TRIM27: variants seen among roughly 807,000 people sequenced by gnomAD.
TRIM27 encodes the protein tripartite motif containing 27, also known as zinc finger protein RFP.
TRIM27 carries 12 observed loss-of-function variants against 57.6 expected under a neutral mutation model. That is an observed-to-expected ratio of 0.21 (90% CI 0.13 to 0.34). The LOEUF (loss-of-function observed/expected upper bound fraction) is 0.34. Among genes scored for constraint, TRIM27 ranks in the 10% least tolerant of loss-of-function variants. TRIM27 has a pLI of 1.00. For synonymous variants in TRIM27, 266 were observed against 259.0 expected, an observed-to-expected ratio of 1.03 and a Z score of -0.26; for missense variants, 403 against 656.8, an observed-to-expected ratio of 0.61 and a Z score of 4.22.
At chr6:28,913,446 C>T (rs1232725561) in intron 3 of TRIM27, among the ~76,000 whole-genome samples, 2 of 151,648 alleles carry the variant, frequency 1.3e-5, no homozygotes, top group Non-Finnish European at 2.9e-5. Flanking sequence ...CTCCCTCTAC[C>T]CTTCCTAGAA....
In TRIM27 at chr6:28,904,019, T is replaced by C; in HGVS notation, c.*51A>G. On this transcript the variant is annotated 3_prime_UTR_variant, in exon 8 of 8. Coordinates refer to ENST00000377199, the MANE Select transcript of TRIM27 (RefSeq NM_006510.5). This position sits in a 1 kb window ranked among gnomAD's most constrained non-coding sequence, Gnocchi z 6.1. Reference sequence around the variant, plus strand: ...CGTGGCAAGGCAACAAGATGCCTTGTGCCTGGCGTAGGATTACAGCCAACA... The same window carrying C: ...CGTGGCAAGGCAACAAGATGCCTTGCGCCTGGCGTAGGATTACAGCCAACA... The C allele has an allele frequency of 6.7e-7, 1 of 1,493,452 alleles. No individual in the cohort carries two copies. The highest frequency in any genetic ancestry group is 1.8e-5 in the Admixed American group (1 of 54,862). 92.5% of individuals were successfully genotyped at this position (1,493,452 alleles called of 1,614,324 possible).
chr6:28,913,790 T>G (rs547956866), intron 3 of TRIM27, among the ~76,000 whole-genome samples: 1 of 152,186 alleles, frequency 6.6e-6, no homozygotes, highest in South Asian at 2.1e-4. Flanking sequence ...ATTTTGGTCT[T>G]TTCTCTCGCA....
At chr6:28,917,015 G>A (rs796781989) in intron 3 of TRIM27, among the ~76,000 whole-genome samples, 1 of 152,012 alleles carries the variant, frequency 6.6e-6, no homozygotes, top group African/African-American at 2.4e-5. Flanking sequence ...GGTGGTTTAC[G>A]CCTGTAGTCC....
intron 3 of TRIM27, chr6:28,914,933 T>C (rs935627272): frequency 1.7e-4 from 26 of 152,194 alleles, no homozygotes; most frequent in Admixed American, 1.6e-3. Context: ...TCTTCTAATA[T>C]GTCTTCTAGT....
intron 3 of TRIM27, among the ~76,000 whole-genome samples, chr6:28,912,106 CTT>C (rs9280507): frequency 1.7e-3 from 229 of 136,296 alleles, no homozygotes; most frequent in African/African-American, 5.0e-3. Context: ...CTCCAGTATA[CTT>C]TTTTTTTTTT....
At chr6:28,918,002 T>C (rs1221362243) in intron 3 of TRIM27, among the ~76,000 whole-genome samples, 1 of 152,000 alleles carries the variant, frequency 6.6e-6, no homozygotes, top group East Asian at 1.9e-4. Context: ...AATTTTGTAT[T>C]TTTAATAGAG....
chr6:28,920,150 G>T lies in TRIM27; in HGVS notation c.609C>A (p.Arg203=). The part of the protein sequence containing the change: ...LKEHEYRLLA[R]LEELDLAIYN... ...AGATGGCCAAGTCTAGCTCCTCAAG[G>T]CGGGCCAGGAGGCGATACTCATGCT... The change falls in exon 3 of 8, where the codon CGC becomes CGA. Residue 203 remains arginine (R), a synonymous_variant. Transcript: ENST00000377199. 6.2e-7 allele frequency: 1 copy of T among 1,614,184 alleles called. No homozygotes were observed. Among genetic ancestry groups the T allele is most frequent in the Non-Finnish European group, 8.5e-7 (1 of 1,180,038 alleles).
At chr6:28,919,077 G>T (rs183020774) in intron 3 of TRIM27, among the ~76,000 whole-genome samples, 510 of 151,460 alleles carry the variant, frequency 3.4e-3, no homozygotes, top group African/African-American at 0.011. Context: ...ACAGTGGCGC[G>T]ATCTTGGCTC....
At chr6:28,912,452 C>T (rs1773277824) in intron 3 of TRIM27, among the ~76,000 whole-genome samples, 1 of 151,306 alleles carries the variant, frequency 6.6e-6, no homozygotes, top group Non-Finnish European at 1.5e-5. Flanking sequence ...TTGTCAGGCG[C>T]GGTGGCTCAC....
intron 3 of TRIM27, among the ~76,000 whole-genome samples, chr6:28,919,275 G>A (rs925319499): frequency 6.6e-6 from 1 of 152,028 alleles, no homozygotes; most frequent in African/African-American, 2.4e-5. Flanking sequence ...CCCCCAAAGT[G>A]CTGGGATTAC....
At chr6:28,922,511 G>A (rs1774123854) in intron 1 of TRIM27, among the ~76,000 whole-genome samples, 1 of 152,164 alleles carries the variant, frequency 6.6e-6, no homozygotes, top group Non-Finnish European at 1.5e-5. Flanking sequence ...TTTAAACACG[G>A]ACATAATTGT....
intron 6 of TRIM27, 80 bp from the exon 7 acceptor site, chr6:28,907,342 A>G (rs1471519911): frequency 1.4e-6 from 2 of 1,430,850 alleles, no homozygotes; most frequent in East Asian, 4.6e-5. Flanking sequence ...TTGGTTAGTC[A>G]TCATAAAGCA....
Position 28,921,926 on chromosome 6 carries a change from C to T in TRIM27, c.482G>A (p.Arg161Gln), listed in dbSNP as rs149594206. The T allele has an allele frequency of 2.5e-6, 4 of 1,613,020 alleles. No individual in the cohort carries two copies. The highest frequency in any genetic ancestry group is 3.4e-6 in the Non-Finnish European group (4 of 1,180,026). The change falls in exon 2 of 8, where the codon CGG (arginine) becomes CAG (glutamine). Residue 161 changes from arginine (R) to glutamine (Q), a missense_variant. By Grantham distance (43) the Arg-to-Gln change is conservative (BLOSUM62 1). Transcript: ENST00000377199. ...KRVKDLKKRR[R>Q]AQGEQARAEL... ...AGCTCGTGCCTGTTCCCCCTGGGCC[C>T]GACGTCTCTTCTTTAAATCTTTCAC...
chr6:28,913,408 G>A (rs1330746611), intron 3 of TRIM27, among the ~76,000 whole-genome samples: 3 of 151,148 alleles, frequency 2.0e-5, no homozygotes, highest in Non-Finnish European at 4.4e-5. Flanking sequence ...CTGTATATTT[G>A]TACCCATTAA....
intron 3 of TRIM27, among the ~76,000 whole-genome samples, chr6:28,918,591 A>G (rs1289273043): frequency 6.6e-6 from 1 of 152,024 alleles, no homozygotes. Context: ...TTAAAAATGT[A>G]AACTGGCCTG....
intron 1 of TRIM27, 34 bp downstream of exon 1, chr6:28,923,179 T>TCGCGCTCC (rs1774184531): frequency 6.6e-7 from 1 of 1,511,260 alleles, no homozygotes. Context: ...TTTGTCCGAC[T>TCGCGCTCC]CGCGCTCCCG....
Position 28,904,276 on chromosome 6 carries a change from C to T in TRIM27, c.1336G>A (p.Glu446Lys). 6.2e-7 allele frequency: 1 copy of T among 1,613,114 alleles called. No individual in the cohort carries two copies. Among genetic ancestry groups the T allele is most frequent in the Non-Finnish European group, 8.5e-7 (1 of 1,180,034 alleles). Residue 446 changes from glutamate to lysine, a missense_variant, in exon 8 of 8, where the codon GAG (glutamate) becomes AAG (lysine). By Grantham distance (56) the Glu-to-Lys change is moderately conservative (BLOSUM62 1). Transcript: ENST00000377199. This position sits in a 1 kb window ranked among gnomAD's most constrained non-coding sequence, Gnocchi z 6.1. ...VGIFLDYDAGEVSFYNVTERC... is the reference protein window; with the variant it reads ...VGIFLDYDAGKVSFYNVTERC... ...TCTGTCACGTTGTAGAAGGAGACCTCACCAGCATCATAGTCCAAGAAAATC... is the reference window on the plus strand; with the variant it reads ...TCTGTCACGTTGTAGAAGGAGACCTTACCAGCATCATAGTCCAAGAAAATC...
At chr6:28,907,207 C>T in intron 7 of TRIM27, 29 bp downstream of exon 7, 1 of 1,600,562 alleles carries the variant, frequency 6.2e-7, no homozygotes, top group Non-Finnish European at 8.5e-7. Flanking sequence ...ACTCCTTACC[C>T]TAATATGGTT....
intron 3 of TRIM27, among the ~76,000 whole-genome samples, chr6:28,913,396 A>G (rs1478627608): frequency 6.6e-6 from 1 of 151,496 alleles, no homozygotes; most frequent in Non-Finnish European, 1.5e-5. Flanking sequence ...TCTTCTATCA[A>G]ACTGTATATT....
Sources: allele counts gnomAD v4.1 joint callset (sites outside exome capture counted in the v4.1 genomes callset), GRCh38; gene constraint gnomAD v4.1.1; non-coding constraint Gnocchi (gnomAD v3.1); transcripts MANE v1.5; gene names NCBI Gene and HGNC (gene_info 2026-07-23, HGNC 2026-07-21).